The following N4BP1 variants were observed in gnomAD, a reference collection of about 807,000 sequenced individuals.
N4BP1 encodes the protein NEDD4 binding protein 1.
Under a neutral mutation model 70.9 loss-of-function variants are expected in N4BP1, and 21 were observed. The observed-to-expected ratio is 0.30, with a 90% CI of 0.21 to 0.43. The LOEUF (loss-of-function observed/expected upper bound fraction) is 0.43. N4BP1 is among the 20% of genes least tolerant of loss of function. The probability of loss-of-function intolerance (pLI) is 1.00; values close to 1 mark genes in which losing one functional copy is unlikely to be tolerated. For missense variants in N4BP1, 936 were observed against 1,069.4 expected (o/e 0.88, Z 1.74); for synonymous variants, 387 against 394.6 (o/e 0.98, Z 0.23).
intron 1 of N4BP1, chr16:48,587,036 G>A (rs1048053923): frequency 2.0e-5 from 3 of 152,140 alleles, no homozygotes; most frequent in Non-Finnish European, 4.4e-5. Context: ...TCCTGATTTT[G>A]TTGGTTACTG....
rs1236098323 is a variant in N4BP1, at chr16:48,573,762, A to G, written c.199-11318T>C. Among the ~76,000 whole-genome samples the G allele has an allele frequency of 2.6e-5, 4 of 152,256 alleles. No individual in the cohort carries two copies. In the East Asian group the frequency reaches 7.7e-4, roughly 29 times the overall value. On this transcript the variant is annotated intron_variant, in intron 1 of 6. Coordinates refer to ENST00000262384, the MANE Select transcript of N4BP1 (RefSeq NM_153029.4). ...TTACTGTTGATTAGAGGCCTCACCAATAACAGAAACAGTCAATTAATATAA... is the reference window on the plus strand; with the variant it reads ...TTACTGTTGATTAGAGGCCTCACCAGTAACAGAAACAGTCAATTAATATAA...
At chr16:48,587,705 C>A in intron 1 of N4BP1, among the ~76,000 whole-genome samples, 1 of 152,174 alleles carries the variant, frequency 6.6e-6, no homozygotes, top group East Asian at 1.9e-4. Context: ...CAGGCCATAT[C>A]TGGAATTACA....
intron 1 of N4BP1, among the ~76,000 whole-genome samples, chr16:48,588,460 A>C (rs1964281119): frequency 6.6e-6 from 1 of 151,856 alleles, no homozygotes; most frequent in African/African-American, 2.4e-5. Flanking sequence ...ATGCCTGGCT[A>C]ATTTTTGTAT....
intron 1 of N4BP1, among the ~76,000 whole-genome samples, chr16:48,588,264 G>T (rs1964277695): frequency 6.6e-6 from 1 of 150,732 alleles, no homozygotes; most frequent in Non-Finnish European, 1.5e-5. Flanking sequence ...AAAAATGGCA[G>T]CATGTTCTTT....
Position 48,539,081 on chromosome 16 carries a change from G to T in N4BP1, c.*3823C>A, listed in dbSNP as rs1963448213. The T allele has an allele frequency of 6.6e-6, 1 of 152,362 alleles. No homozygotes were observed. Among genetic ancestry groups the T allele is most frequent in the African/African-American group, 2.4e-5 (1 of 41,452 alleles). The allele number at this position is 152,362 out of a possible 1,614,324, so 9.4% of individuals were successfully genotyped here. On this transcript the variant is annotated 3_prime_UTR_variant, in exon 7 of 7. Transcript: ENST00000262384. ...CACAGGTCATGGGAAACATGTGGCT[G>T]CAGGGAGAGTTTGGGGACAGTCAAG...
intron 1 of N4BP1, among the ~76,000 whole-genome samples, chr16:48,595,812 G>A (rs1357016840): frequency 6.6e-6 from 1 of 152,204 alleles, no homozygotes; most frequent in Non-Finnish European, 1.5e-5. Context: ...TGCAGTACCT[G>A]TACAGGGTTC....
rs34007822 is a variant in N4BP1 at position 48,591,632 on chromosome 16, GTTTTT to G, written c.198+18138_198+18142del. 2.5e-3 allele frequency among the ~76,000 whole-genome samples: 344 copies of G among 136,996 alleles called. 3 individuals carry two copies. The highest frequency in any genetic ancestry group is 9.0e-3 in the African/African-American group (332 of 37,074). 89.9% of individuals were successfully genotyped at this position (136,996 alleles called of 152,430 possible). ...AGCTCTATTATTTTAAAAGGCCTTG[GTTTTT>G]TTTTTTTTTTTCTTCTTGGATATTG... On this transcript the variant is annotated intron_variant, in intron 1 of 6. Coordinates refer to ENST00000262384, the MANE Select transcript of N4BP1 (RefSeq NM_153029.4).
chr16:48,572,139 C>A (rs1964028205), intron 1 of N4BP1, among the ~76,000 whole-genome samples: 1 of 152,154 alleles, frequency 6.6e-6, no homozygotes, highest in African/African-American at 2.4e-5. Context: ...GTCGAGGCTG[C>A]AGTGAGCCAT....
chr16:48,558,124 T>C (rs1963784389), intron 2 of N4BP1, among the ~76,000 whole-genome samples: 1 of 152,130 alleles, frequency 6.6e-6, no homozygotes, highest in African/African-American at 2.4e-5. Flanking sequence ...AGTTTCTTCC[T>C]AGAATATGGG....
chr16:48,555,883 A>G (rs1179579230), intron 2 of N4BP1, among the ~76,000 whole-genome samples: 2 of 152,226 alleles, frequency 1.3e-5, no homozygotes, highest in Non-Finnish European at 2.9e-5. Context: ...AAGGTTTTTA[A>G]GGTGGCTCCC....
At chr16:48,566,493 A>AC (rs1437773681) in intron 1 of N4BP1, among the ~76,000 whole-genome samples, 1 of 152,110 alleles carries the variant, frequency 6.6e-6, no homozygotes, top group Non-Finnish European at 1.5e-5. Context: ...TAGAAGTGTT[A>AC]CTTAGTTTTT....
intron 1 of N4BP1, among the ~76,000 whole-genome samples, chr16:48,569,919 T>A (rs1963991558): frequency 6.6e-6 from 1 of 152,120 alleles, no homozygotes; most frequent in Non-Finnish European, 1.5e-5. Context: ...GCTTTCTGGT[T>A]TCCTGGGGCT....
chr16:48,546,027 C>CAA (rs200705090), intron 6 of N4BP1, 120 bp downstream of exon 6: 4,954 of 486,086 alleles, frequency 0.01, 2 homozygotes, highest in Middle Eastern at 0.013. Flanking sequence ...GACCTTGTCT[C>CAA]AAAAAAAAAA....
rs368661113 is a variant in N4BP1 at position 48,553,533 on chromosome 16, C to T, written c.2020+6G>A. 6.4e-4 allele frequency: 976 copies of T among 1,529,874 alleles called. 11 individuals are homozygous for T. The South Asian group carries it at 0.012, about 19-fold the overall frequency. The allele number at this position is 1,529,874 out of a possible 1,614,324, so 94.8% of individuals were successfully genotyped here. ...CTAGAAATCTGAAAAAATCAGTTTG[C>T]CTCACCTGTGACATTAGGATCACGC... On this transcript the variant is annotated splice_donor_region_variant and intron_variant, in intron 3 of 6. Transcript: ENST00000262384.
In N4BP1 at chr16:48,542,640, G is replaced by A; in HGVS notation, c.*264C>T. On this transcript the variant is annotated 3_prime_UTR_variant, in exon 7 of 7. Coordinates refer to ENST00000262384, the MANE Select transcript of N4BP1 (RefSeq NM_153029.4). Reference sequence around the variant, plus strand: ...AAGGTAAATACACTCAAGAGTAACTGCTATTAAACAGTTCTGAACAGGCAG... The same window carrying A: ...AAGGTAAATACACTCAAGAGTAACTACTATTAAACAGTTCTGAACAGGCAG... 2.9e-6 allele frequency: 1 copy of A among 345,522 alleles called. No individual in the cohort carries two copies. The highest frequency in any genetic ancestry group is 1.3e-4 in the South Asian group (1 of 7,592). The allele number at this position is 345,522 out of a possible 1,614,324, so 21.4% of individuals were successfully genotyped here.
intron 1 of N4BP1, chr16:48,600,231 A>G: frequency 1.2e-6 from 1 of 811,820 alleles, no homozygotes; most frequent in South Asian, 1.3e-5. Flanking sequence ...GTTCATCCGC[A>G]ACGACTGAAA....
chr16:48,605,046 T>C (rs1275984115), intron 1 of N4BP1, among the ~76,000 whole-genome samples: 1 of 151,958 alleles, frequency 6.6e-6, no homozygotes, highest in Non-Finnish European at 1.5e-5. Context: ...TTTTTTTTTT[T>C]CTCAAGACAG....
At chr16:48,605,109 C>T (rs1279354447) in intron 1 of N4BP1, among the ~76,000 whole-genome samples, 2 of 152,014 alleles carry the variant, frequency 1.3e-5, no homozygotes, top group East Asian at 1.9e-4. Flanking sequence ...CTTGGTTCAC[C>T]GCAACCTCCG....
Position 48,542,740 on chromosome 16 carries a change from G to T in N4BP1, c.*164C>A. Reference sequence around the variant, plus strand: ...ATAATTTATATATAGAAAAAAGCTGGTTTTGAAAACCCAGATTTATACCCA... The same window carrying T: ...ATAATTTATATATAGAAAAAAGCTGTTTTTGAAAACCCAGATTTATACCCA... On this transcript the variant is annotated 3_prime_UTR_variant, in exon 7 of 7. Transcript: ENST00000262384. 1 of 545,674 alleles carries T rather than the reference G, an allele frequency of 1.8e-6. No individual in the cohort carries two copies. The highest frequency in any genetic ancestry group is 3.0e-6 in the Non-Finnish European group (1 of 329,024). The allele number at this position is 545,674 out of a possible 1,614,324, so 33.8% of individuals were successfully genotyped here.
Sources: gnomAD v4.1 joint callset for allele counts (sites outside exome capture counted in the v4.1 genomes callset) on GRCh38, gnomAD v4.1.1 for gene constraint, MANE v1.5 for transcripts, NCBI Gene and HGNC (gene_info 2026-07-23, HGNC 2026-07-21) for gene names.